The following CYS1 variants were observed in gnomAD, a reference collection of about 807,000 sequenced individuals.
CYS1 encodes the protein cystin-1.
CYS1 carries 5 observed loss-of-function variants against 9.6 expected under a neutral mutation model. The observed-to-expected ratio is 0.52, with a 90% CI of 0.27 to 1.10. The LOEUF is 1.10. Ranked by LOEUF, CYS1 falls within the 50% of genes least tolerant of loss-of-function variation. CYS1 has a pLI of 0.11. For synonymous variants in CYS1, 88 were observed against 95.7 expected, an observed-to-expected ratio of 0.92 and a Z score of 0.47; for missense variants, 221 against 207.9, an observed-to-expected ratio of 1.06 and a Z score of -0.39.
rs1166445248 is a variant in CYS1 at position 10,065,911 on chromosome 2, C to T, written c.364G>A (p.Val122Ile). 2.5e-6 allele frequency: 4 copies of T among 1,614,220 alleles called. No homozygotes were observed. Among genetic ancestry groups the T allele is most frequent in the Non-Finnish European group, 3.4e-6 (4 of 1,180,036 alleles). ...TGCCTCCCTGGTACTTACTCAGAGA[C>T]ATTGCCGCTCCCCGGGTGGCCCTCT... Reference protein sequence around the residue: ...STEGHPGSGNVSEAPGSGRKK... With the variant: ...STEGHPGSGNISEAPGSGRKK... Residue 122 changes from valine to isoleucine, a missense_variant, in exon 2 of 3, where the codon GTC becomes ATC. Transcript: ENST00000381813.
intron 1 of CYS1, among the ~76,000 whole-genome samples, chr2:10,073,220 C>A (rs7423478): frequency 4.3e-4 from 61 of 143,326 alleles, no homozygotes; most frequent in African/African-American, 1.2e-3. Flanking sequence ...CCCCCCCCCC[C>A]CCCCCGGCTG....
rs943155290 is a variant in CYS1, at chr2:10,057,715, T to G, written c.*1138A>C. On this transcript the variant is annotated 3_prime_UTR_variant, in exon 3 of 3. Coordinates refer to ENST00000381813, the MANE Select transcript of CYS1 (RefSeq NM_001037160.3). The stretch of plus-strand genomic sequence containing the variant: ...GGGGAGGAGCCTGCCGCCTGCCTCC[T>G]GCCTCCCTAGACCGCTGTTCTCCCC... 6.6e-6 allele frequency: 1 copy of G among 152,664 alleles called. No homozygotes were observed. Among genetic ancestry groups the G allele is most frequent in the Non-Finnish European group, 1.5e-5 (1 of 68,530 alleles). The allele number at this position is 152,664 out of a possible 1,614,324, so 9.5% of individuals were successfully genotyped here. A position where few individuals can be genotyped will look rare whatever the true frequency, so the allele number is the denominator to read the frequency against.
intron 1 of CYS1, 37 bp downstream of exon 1, chr2:10,079,869 C>T: frequency 9.2e-7 from 1 of 1,085,736 alleles, no homozygotes; most frequent in Non-Finnish European, 1.1e-6. Flanking sequence ...AGTGGGGTCC[C>T]CGCCGTCCCC....
chr2:10,071,056 C>G (rs1054534531), intron 1 of CYS1, among the ~76,000 whole-genome samples: 3 of 152,170 alleles, frequency 2.0e-5, no homozygotes, highest in African/African-American at 4.8e-5. Flanking sequence ...ACCTCTGCCT[C>G]CCAGGTTCAA....
chr2:10,058,952 T>G lies in CYS1; in HGVS notation c.378A>C (p.Pro126=), dbSNP rs2125286503. ...TCTCGGGCTTCTTGCGACCGCTGCC[T>G]GGGGCTCTGTGGGTCAGAAATGGGA... ...HPGSGNVSEA[P]GSGRKKPERP... Residue 126 remains proline, a synonymous_variant, in exon 3 of 3, where the codon CCA becomes CCC. Coordinates refer to ENST00000381813, the MANE Select transcript of CYS1 (RefSeq NM_001037160.3). 1 of 1,580,542 alleles carries G rather than the reference T, an allele frequency of 6.3e-7. No homozygotes were observed. The highest frequency in any genetic ancestry group is 8.6e-7 in the Non-Finnish European group (1 of 1,163,818).
intron 1 of CYS1, among the ~76,000 whole-genome samples, chr2:10,070,499 C>T (rs1257724470): frequency 1.3e-5 from 2 of 152,048 alleles, no homozygotes; most frequent in African/African-American, 4.8e-5. Context: ...ATGTATGCCA[C>T]CACACCTGGC....
At chr2:10,067,461 G>A (rs888590520) in intron 1 of CYS1, among the ~76,000 whole-genome samples, 15 of 138,884 alleles carry the variant, frequency 1.1e-4, no homozygotes, top group Middle Eastern at 4.4e-3. Flanking sequence ...AGACTGGAGT[G>A]CAGTGGCCTG....
intron 1 of CYS1, among the ~76,000 whole-genome samples, chr2:10,074,201 C>T (rs1558360878): frequency 2.0e-5 from 3 of 152,190 alleles, no homozygotes; most frequent in Admixed American, 6.5e-5. Context: ...AACCACTTTT[C>T]GCAGTTGACA....
At chr2:10,078,592 T>G (rs922345127) in intron 1 of CYS1, among the ~76,000 whole-genome samples, 4 of 152,236 alleles carry the variant, frequency 2.6e-5, no homozygotes, top group African/African-American at 9.6e-5. Context: ...CCCTTCCAGA[T>G]TCAGGACAAC....
chr2:10,058,800 T>C lies in CYS1; in HGVS notation c.*53A>G. On this transcript the variant is annotated 3_prime_UTR_variant, in exon 3 of 3. Transcript: ENST00000381813. ...GCTAGAGCTCTGTGCAAGCAGAGGG[T>C]GCCCCAGCCAGCAGGTGCCTCCGAG... 6.9e-7 allele frequency: 1 copy of C among 1,445,746 alleles called. No individual in the cohort carries two copies. The highest frequency in any genetic ancestry group is 9.4e-7 in the Non-Finnish European group (1 of 1,065,584). The allele number at this position is 1,445,746 out of a possible 1,614,324, so 89.6% of individuals were successfully genotyped here.
At position 10,079,942 on chromosome 2, in the gene CYS1, T is replaced by A; in HGVS notation, c.282A>T (p.Pro94=). The change falls in exon 1 of 3, where the codon CCA becomes CCT. Residue 94 remains proline (P), a synonymous_variant. Transcript: ENST00000381813. The part of the protein sequence containing the change: ...WGPPEPAPRR[P]ARLRPTAVAG... ...CGACCGCGGTGGGTCGGAGCCGGGC[T>A]GGGCGGCGCGGGGCGGGCTCCGGGG... 8.9e-7 allele frequency: 1 copy of A among 1,120,076 alleles called. No homozygotes were observed. Among genetic ancestry groups the A allele is most frequent in the Non-Finnish European group, 1.1e-6 (1 of 916,372 alleles). The allele number at this position is 1,120,076 out of a possible 1,614,324, so 69.4% of individuals were successfully genotyped here.
chr2:10,076,872 C>G lies in CYS1; in HGVS notation c.318+3034G>C, dbSNP rs752774971. Among the ~76,000 whole-genome samples the G allele has an allele frequency of 2.0e-5, 3 of 152,164 alleles. No homozygotes were observed. Among genetic ancestry groups the G allele is most frequent in the Non-Finnish European group, 4.4e-5 (3 of 68,034 alleles). On this transcript the variant is annotated intron_variant, in intron 1 of 2. Transcript: ENST00000381813. This position sits in a 1 kb window ranked among gnomAD's most constrained non-coding sequence, Gnocchi z 4.3. ...TGTTCTAATGGCTTCTAAACGAACT[C>G]CAAACCTGACCTCTCCCCTGAATGC...
At position 10,057,532 on chromosome 2, in the gene CYS1, A is replaced by G. The variant is rs1661566816; in HGVS notation, c.*1321T>C. On this transcript the variant is annotated 3_prime_UTR_variant, in exon 3 of 3. Coordinates refer to ENST00000381813, the MANE Select transcript of CYS1 (RefSeq NM_001037160.3). ...AGCTGGAGCTCTTCTCGGGAAAAAG[A>G]AAACGCTGGGGAGGCCTCCGTGTGG... 1 of 152,338 alleles carries G rather than the reference A, an allele frequency of 6.6e-6. No individual in the cohort carries two copies. The highest frequency in any genetic ancestry group is 1.5e-5 in the Non-Finnish European group (1 of 68,116). The allele number at this position is 152,338 out of a possible 1,614,324, so 9.4% of individuals were successfully genotyped here.
chr2:10,073,025 G>A (rs1661793160), intron 1 of CYS1, among the ~76,000 whole-genome samples: 1 of 150,626 alleles, frequency 6.6e-6, no homozygotes, highest in African/African-American at 2.5e-5. Flanking sequence ...CAGAGCAGAT[G>A]TGTGGGAGCA....
At chr2:10,074,691 C>G (rs879719114) in intron 1 of CYS1, among the ~76,000 whole-genome samples, 1 of 152,206 alleles carries the variant, frequency 6.6e-6, no homozygotes, top group Non-Finnish European at 1.5e-5. Context: ...GCCTAGCTCC[C>G]CACTGCCTAC....
intron 1 of CYS1, among the ~76,000 whole-genome samples, chr2:10,070,956 C>G (rs780153601): frequency 6.6e-6 from 1 of 151,342 alleles, no homozygotes. Context: ...GCCTGAGAAC[C>G]CTTTTTGTTT....
Position 10,080,019 on chromosome 2 carries a change from C to G in CYS1, c.205G>C (p.Glu69Gln). 1.3e-5 allele frequency: 14 copies of G among 1,073,392 alleles called. No homozygotes were observed. The highest frequency in any genetic ancestry group is 1.4e-5 in the Non-Finnish European group (12 of 887,604). 66.5% of individuals were successfully genotyped at this position (1,073,392 alleles called of 1,614,324 possible). ...AGCTCGTCCAGCAGGCGCAGCGTCT[C>G]GTCCCTGCCGTCGGGGGGCGCCACG... is the stretch of plus-strand genomic sequence containing the variant. ...SPVAPPDGRDETLRLLDELLA... is the reference protein window; with the variant it reads ...SPVAPPDGRDQTLRLLDELLA... Residue 69 changes from glutamate to glutamine, a missense_variant, in exon 1 of 3, where the codon GAG (glutamate) becomes CAG (glutamine). By Grantham distance (29) the Glu-to-Gln change is conservative. Transcript: ENST00000381813. This position sits in a 1 kb window ranked among gnomAD's most constrained non-coding sequence, Gnocchi z 6.4.
intron 2 of CYS1, among the ~76,000 whole-genome samples, chr2:10,062,111 C>T (rs533636857): frequency 1.3e-5 from 2 of 151,826 alleles, no homozygotes; most frequent in Admixed American, 6.6e-5. Context: ...AGGCTCAAGC[C>T]ATCCTCCCAC....
chr2:10,069,525 C>G (rs544647917), intron 1 of CYS1, among the ~76,000 whole-genome samples: 1 of 152,058 alleles, frequency 6.6e-6, no homozygotes, highest in African/African-American at 2.4e-5. Context: ...CGTGCCACCA[C>G]GCCCAGCCAA....
Sources: gnomAD v4.1 joint callset for allele counts (sites outside exome capture counted in the v4.1 genomes callset) on GRCh38, gnomAD v4.1.1 for gene constraint, Gnocchi (gnomAD v3.1) non-coding constraint, MANE v1.5 for transcripts, NCBI Gene and HGNC (gene_info 2026-07-23, HGNC 2026-07-21) for gene names.